Variants in RSU1 observed in about 807,000 individuals in gnomAD.
RSU1 encodes the protein rsu-1.
RSU1 carries 26 observed loss-of-function variants against 31.1 expected under a neutral mutation model. The ratio of observed to expected loss-of-function variants is 0.84; its 90% CI spans 0.61 to 1.16. The LOEUF (loss-of-function observed/expected upper bound fraction) is 1.16. Among genes scored for constraint, RSU1 ranks in the 50% most tolerant of loss-of-function variants. The pLI is 0.00. For synonymous variants in RSU1, 164 were observed against 136.3 expected (o/e 1.20, Z -1.41); for missense variants, 320 against 339.1 (o/e 0.94, Z 0.44).
At chr10:16,646,791 A>T (rs1424491326) in intron 8 of RSU1, among the ~76,000 whole-genome samples, 3 of 152,192 alleles carry the variant, frequency 2.0e-5, no homozygotes, top group African/African-American at 7.2e-5. Flanking sequence ...GATGTCCAGC[A>T]TCAAAGCCGT....
chr10:16,670,732 T>C, intron 8 of RSU1, among the ~76,000 whole-genome samples: 1 of 152,144 alleles, frequency 6.6e-6, no homozygotes, highest in East Asian at 1.9e-4. Flanking sequence ...GGTGTTCCCT[T>C]GGTCAGTACT....
At chr10:16,639,066 T>C (rs539869188) in intron 8 of RSU1, among the ~76,000 whole-genome samples, 1 of 152,344 alleles carries the variant, frequency 6.6e-6, no homozygotes, top group East Asian at 1.9e-4. Context: ...AGGACTTCTT[T>C]CCTGTTGACG....
At chr10:16,744,394 G>A (rs1836808535) in intron 7 of RSU1, among the ~76,000 whole-genome samples, 1 of 152,060 alleles carries the variant, frequency 6.6e-6, no homozygotes, top group Non-Finnish European at 1.5e-5. Flanking sequence ...AATTCTGGGA[G>A]AATAAAAAAA....
Position 16,817,421 on chromosome 10 carries a change from C to T in RSU1, c.-110G>A, listed in dbSNP as rs1277203103. 4 of 246,304 alleles carry T rather than the reference C, an allele frequency of 1.6e-5. No homozygotes were observed. Among genetic ancestry groups the T allele is most frequent in the African/African-American group, 6.8e-5 (3 of 44,316 alleles). 15.3% of individuals were successfully genotyped at this position (246,304 alleles called of 1,614,324 possible). On this transcript the variant is annotated 5_prime_UTR_variant, in exon 1 of 9. Coordinates refer to ENST00000345264, the MANE Select transcript of RSU1 (RefSeq NM_012425.4). ...ACACCGGCACTGAACAGCGAACACGCCCTGTCTCGGCGCCCCGCGCAGGCG... is the reference window on the plus strand; with the variant it reads ...ACACCGGCACTGAACAGCGAACACGTCCTGTCTCGGCGCCCCGCGCAGGCG...
At chr10:16,630,710 GAA>G (rs1834232465) in intron 8 of RSU1, among the ~76,000 whole-genome samples, 1 of 152,184 alleles carries the variant, frequency 6.6e-6, no homozygotes, top group African/African-American at 2.4e-5. Context: ...CCATTTAATT[GAA>G]AATATTTCTT....
intron 8 of RSU1, among the ~76,000 whole-genome samples, chr10:16,662,785 G>GA (rs1351679717): frequency 7.2e-5 from 11 of 151,916 alleles, no homozygotes; most frequent in African/African-American, 2.7e-4. Flanking sequence ...TTTAATTACA[G>GA]AAAAAAATCG....
chr10:16,629,792 A>G (rs975487627), intron 8 of RSU1, among the ~76,000 whole-genome samples: 12 of 152,138 alleles, frequency 7.9e-5, no homozygotes, highest in African/African-American at 2.9e-4. Flanking sequence ...CGTGTCTCTA[A>G]AGGAAGTGGG....
intron 8 of RSU1, among the ~76,000 whole-genome samples, chr10:16,670,157 T>C (rs1487143968): frequency 6.6e-6 from 1 of 152,216 alleles, no homozygotes; most frequent in Non-Finnish European, 1.5e-5. Context: ...TTCCCATTGC[T>C]TATGCTGGAG....
intron 2 of RSU1, among the ~76,000 whole-genome samples, chr10:16,785,653 T>C (rs1837776586): frequency 6.7e-6 from 1 of 149,884 alleles, no homozygotes. Context: ...GGGATTACAA[T>C]TCCACATGAC....
chr10:16,686,260 T>C (rs1421986024), intron 8 of RSU1, among the ~76,000 whole-genome samples: 2 of 152,218 alleles, frequency 1.3e-5, no homozygotes, highest in Non-Finnish European at 2.9e-5. Flanking sequence ...TGTTTGATTA[T>C]AAAAGCGCCA....
chr10:16,703,577 G>C (rs1028251400), intron 7 of RSU1, among the ~76,000 whole-genome samples: 2 of 152,098 alleles, frequency 1.3e-5, no homozygotes, highest in South Asian at 2.1e-4. Flanking sequence ...ATAATTATGA[G>C]ACACTCAGAG....
chr10:16,768,680 A>C (rs1209261013), intron 3 of RSU1, among the ~76,000 whole-genome samples: 1 of 152,204 alleles, frequency 6.6e-6, no homozygotes, highest in African/African-American at 2.4e-5. Flanking sequence ...GTTCCGCCTA[A>C]CACACCCGGC....
intron 8 of RSU1, among the ~76,000 whole-genome samples, chr10:16,670,489 C>G (rs1236164902): frequency 6.6e-6 from 1 of 152,152 alleles, no homozygotes; most frequent in African/African-American, 2.4e-5. Flanking sequence ...TTCTGGGCTG[C>G]ACCATAATGA....
At chr10:16,607,118 G>C (rs1278598492) in intron 8 of RSU1, among the ~76,000 whole-genome samples, 1 of 152,078 alleles carries the variant, frequency 6.6e-6, no homozygotes, top group Non-Finnish European at 1.5e-5. Flanking sequence ...TCTCGTGATA[G>C]TGAGTGAGTT....
At chr10:16,798,193 CA>C (rs1457334317) in intron 2 of RSU1, among the ~76,000 whole-genome samples, 2 of 151,740 alleles carry the variant, frequency 1.3e-5, no homozygotes, top group African/African-American at 2.4e-5. Flanking sequence ...GGGATCTGGG[CA>C]AAAGTGACAA....
intron 7 of RSU1, among the ~76,000 whole-genome samples, chr10:16,750,779 G>A (rs530912800): frequency 6.6e-6 from 1 of 152,112 alleles, no homozygotes; most frequent in African/African-American, 2.4e-5. Flanking sequence ...GTTGGGGAGG[G>A]AGCAAGTTTT....
chr10:16,715,188 T>C (rs1046762758), intron 7 of RSU1, among the ~76,000 whole-genome samples: 2 of 152,228 alleles, frequency 1.3e-5, no homozygotes, highest in Non-Finnish European at 2.9e-5. Context: ...TTACTTGTTG[T>C]TTAGATCCCC....
intron 7 of RSU1, among the ~76,000 whole-genome samples, chr10:16,715,523 C>T (rs1175620759): frequency 6.6e-6 from 1 of 152,092 alleles, no homozygotes; most frequent in Non-Finnish European, 1.5e-5. Context: ...TTTGCATATG[C>T]CTATGTAGTT....
At chr10:16,609,585 G>A (rs1231916023) in intron 8 of RSU1, among the ~76,000 whole-genome samples, 1 of 152,236 alleles carries the variant, frequency 6.6e-6, no homozygotes, top group Non-Finnish European at 1.5e-5. Context: ...GGCCCCGTAC[G>A]ACGACACTGG....
Sources: allele counts gnomAD v4.1 joint callset (sites outside exome capture counted in the v4.1 genomes callset), GRCh38; gene constraint gnomAD v4.1.1; transcripts MANE v1.5; gene names NCBI Gene and HGNC (gene_info 2026-07-23, HGNC 2026-07-21).